The following PTPRD variants were observed in gnomAD, a reference collection of about 807,000 sequenced individuals.
PTPRD encodes receptor-type tyrosine-protein phosphatase delta.
A neutral mutation model predicts 214.5 loss-of-function variants in PTPRD; 34 were observed. That is an observed-to-expected ratio of 0.16 (90% CI 0.12 to 0.21). The LOEUF is 0.21. Among genes scored for constraint, PTPRD ranks in the 10% least tolerant of loss-of-function variants. The probability of loss-of-function intolerance (pLI) is 1.00; values close to 1 mark genes in which losing one functional copy is unlikely to be tolerated. For missense variants in PTPRD, 2,545 were observed against 2,398.7 expected (o/e 1.06, Z -1.27); for synonymous variants, 1,128 against 845.7 (o/e 1.33, Z -5.79).
chr9:8,815,975 C>CTT (rs1376785394), intron 11 of PTPRD, among the ~76,000 whole-genome samples: 13 of 152,308 alleles, frequency 8.5e-5, no homozygotes, highest in Admixed American at 2.0e-4. Context: ...TACACAATTG[C>CTT]TGTGCTAACA....
chr9:9,602,953 A>G (rs10977862), intron 7 of PTPRD, among the ~76,000 whole-genome samples: 41,125 of 152,020 alleles, frequency 0.27, 7,027 homozygotes, highest in Non-Finnish European at 0.38. Context: ...TTTTTAAGAT[A>G]AGCAAATTGG....
intron 9 of PTPRD, among the ~76,000 whole-genome samples, chr9:9,230,290 AAAAT>A (rs2099962298): frequency 6.6e-6 from 1 of 152,148 alleles, no homozygotes; most frequent in African/African-American, 2.4e-5. Context: ...TAGGCTAACT[AAAAT>A]CTCTTCAACA....
chr9:10,211,462 G>A (rs2099516568), intron 3 of PTPRD, among the ~76,000 whole-genome samples: 1 of 152,096 alleles, frequency 6.6e-6, no homozygotes, highest in Non-Finnish European at 1.5e-5. Context: ...AGAGGACCAT[G>A]GATGAAGCTG....
intron 8 of PTPRD, among the ~76,000 whole-genome samples, chr9:9,556,480 T>C (rs551706174): frequency 6.6e-6 from 1 of 152,306 alleles, no homozygotes; most frequent in South Asian, 2.1e-4. Context: ...TTATTATTCA[T>C]AACAGTCATA....
intron 10 of PTPRD, among the ~76,000 whole-genome samples, chr9:9,073,649 ACT>A (rs1474018926): frequency 6.6e-6 from 1 of 152,068 alleles, no homozygotes; most frequent in Non-Finnish European, 1.5e-5. Context: ...CAGATGCAAG[ACT>A]CTTAACTGCA....
chr9:9,501,500 CA>C (rs1316840714), intron 8 of PTPRD, among the ~76,000 whole-genome samples: 1 of 151,752 alleles, frequency 6.6e-6, no homozygotes, highest in Non-Finnish European at 1.5e-5. Flanking sequence ...GTGAAATAGA[CA>C]ACTAGCCCCT....
chr9:8,582,495 T>C (rs1208772030), intron 14 of PTPRD, among the ~76,000 whole-genome samples: 2 of 152,188 alleles, frequency 1.3e-5, no homozygotes, highest in Non-Finnish European at 2.9e-5. Context: ...AAACTATTTT[T>C]TTCAATGCAT....
chr9:10,360,946 C>T (rs778750038), intron 2 of PTPRD, among the ~76,000 whole-genome samples: 8 of 151,456 alleles, frequency 5.3e-5, no homozygotes, highest in Non-Finnish European at 1.0e-4. Flanking sequence ...ACTAAAAATA[C>T]AAAAAATTAG....
At chr9:9,296,534 C>T (rs1305826766) in intron 9 of PTPRD, among the ~76,000 whole-genome samples, 1 of 151,684 alleles carries the variant, frequency 6.6e-6, no homozygotes, top group Non-Finnish European at 1.5e-5. Flanking sequence ...ATTCCTCCTC[C>T]TCCTCCACCT....
chr9:8,971,310 T>C (rs1342460497), intron 11 of PTPRD, among the ~76,000 whole-genome samples: 1 of 151,640 alleles, frequency 6.6e-6, no homozygotes, highest in African/African-American at 2.4e-5. Flanking sequence ...ACACATATAA[T>C]CCACAATTGA....
chr9:8,751,361 C>T (rs10815927), intron 11 of PTPRD, among the ~76,000 whole-genome samples: 78,303 of 151,182 alleles, frequency 0.52, 23,640 homozygotes, highest in Non-Finnish European at 0.66. Flanking sequence ...TATGGCCACA[C>T]TTTTCAATCT....
At chr9:9,708,733 A>T (rs1291245459) in intron 7 of PTPRD, among the ~76,000 whole-genome samples, 1 of 152,062 alleles carries the variant, frequency 6.6e-6, no homozygotes, top group Non-Finnish European at 1.5e-5. Flanking sequence ...TGATTGATGA[A>T]AATTCACTTA....
At chr9:9,547,824 A>ACACACACACAC (rs1555548941) in intron 8 of PTPRD, among the ~76,000 whole-genome samples, 1 of 151,542 alleles carries the variant, frequency 6.6e-6, no homozygotes, top group Non-Finnish European at 1.5e-5. Flanking sequence ...ACACACACAC[A>ACACACACACAC]TCAGGAAAAA....
chr9:8,904,197 T>G (rs1014705726), intron 11 of PTPRD, among the ~76,000 whole-genome samples: 68 of 152,336 alleles, frequency 4.5e-4, no homozygotes, highest in African/African-American at 1.5e-3. Flanking sequence ...ACTTTACCTT[T>G]AAGTAATTTA....
chr9:9,760,492 T>A (rs1448041151), intron 6 of PTPRD, among the ~76,000 whole-genome samples: 1 of 152,000 alleles, frequency 6.6e-6, no homozygotes, highest in Non-Finnish European at 1.5e-5. Context: ...CCTTTATTTC[T>A]ATCCTTTATT....
At chr9:9,629,366 G>T (rs185272255) in intron 7 of PTPRD, among the ~76,000 whole-genome samples, 4 of 151,558 alleles carry the variant, frequency 2.6e-5, no homozygotes, top group Admixed American at 2.6e-4. Context: ...CACCTAAAAT[G>T]CCACTTCCTT....
At chr9:9,371,688 C>G (rs1260641005) in intron 9 of PTPRD, among the ~76,000 whole-genome samples, 1 of 152,130 alleles carries the variant, frequency 6.6e-6, no homozygotes, top group Non-Finnish European at 1.5e-5. Flanking sequence ...TTCTCTAGTT[C>G]TTTTAATTGC....
At chr9:8,454,180 T>G (rs1386769831) in intron 33 of PTPRD, among the ~76,000 whole-genome samples, 2 of 152,144 alleles carry the variant, frequency 1.3e-5, no homozygotes, top group African/African-American at 4.8e-5. Context: ...CTAATATCAT[T>G]AGGTGATCTG....
chr9:9,181,330 G>A, intron 10 of PTPRD, among the ~76,000 whole-genome samples: 1 of 151,772 alleles, frequency 6.6e-6, no homozygotes, highest in East Asian at 1.9e-4. Flanking sequence ...CTTTTCTCTA[G>A]GTAGGTAGTT....
Sources: gnomAD v4.1 joint callset for allele counts (sites outside exome capture counted in the v4.1 genomes callset) on GRCh38, gnomAD v4.1.1 for gene constraint, MANE v1.5 for transcripts, NCBI Gene and HGNC (gene_info 2026-07-23, HGNC 2026-07-21) for gene names.